ODR4: variants seen among roughly 807,000 people sequenced by gnomAD.
ODR4 encodes odr-4 GPCR localization factor homolog, also known as protein odr-4 homolog.
Under a neutral mutation model 60.2 loss-of-function variants are expected in ODR4, and 47 were observed. That is an observed-to-expected ratio of 0.78 (90% CI 0.62 to 1.00). The LOEUF is 1.00. Among genes scored for constraint, ODR4 ranks in the 50% least tolerant of loss-of-function variants. The pLI is 0.00. For synonymous variants in ODR4, 178 were observed against 175.5 expected (o/e 1.01, Z -0.11); for missense variants, 488 against 530.8 (o/e 0.92, Z 0.79).
intron 13 of ODR4, among the ~76,000 whole-genome samples, chr1:186,418,165 G>T (rs777211375): frequency 3.3e-5 from 5 of 152,176 alleles, no homozygotes; most frequent in African/African-American, 4.8e-5. Flanking sequence ...TTCTGACTGA[G>T]AGTTAGGAGC....
At chr1:186,422,352 G>C (rs1661807369), downstream of ODR4, among the ~76,000 whole-genome samples, 1 of 151,952 alleles carries the variant, frequency 6.6e-6, no homozygotes, top group South Asian at 2.1e-4. Context: ...GCAACAATAG[G>C]GCTGAAGCAA....
In ODR4 at chr1:186,382,707, A is replaced by C. The variant is rs1571660535; in HGVS notation, c.100-315A>C. ...GAATAAGCATATTACTTTTTAGTTA[A>C]TGTAATTCATTCACTCATCCAGTAA... On this transcript the variant is annotated intron_variant, in intron 2 of 13. Coordinates refer to ENST00000287859, the MANE Select transcript of ODR4 (RefSeq NM_017847.6). Among the ~76,000 whole-genome samples, 10 of 152,328 alleles carry C rather than the reference A, an allele frequency of 6.6e-5. 1 individual carries two copies. The South Asian group carries it at 2.1e-3, about 32-fold the overall frequency.
the ODR4 span, among the ~76,000 whole-genome samples, chr1:186,429,089 A>G: frequency 6.6e-6 from 1 of 152,002 alleles, no homozygotes; most frequent in Non-Finnish European, 1.5e-5. Flanking sequence ...AAACAACAAC[A>G]CCAAACAAAA....
chr1:186,408,482 A>C (rs986665470), intron 12 of ODR4, among the ~76,000 whole-genome samples: 1 of 150,760 alleles, frequency 6.6e-6, no homozygotes, highest in African/African-American at 2.4e-5. Flanking sequence ...CTTGGATCTC[A>C]TTATTTATGT....
chr1:186,399,468 C>G (rs572907994), intron 11 of ODR4, among the ~76,000 whole-genome samples: 2 of 152,040 alleles, frequency 1.3e-5, no homozygotes, highest in African/African-American at 4.8e-5. Context: ...TTTGGCTTCC[C>G]GAAGTGCTGG....
At chr1:186,401,264 A>C (rs1281935425) in intron 11 of ODR4, 5 of 1,262,540 alleles carry the variant, frequency 4.0e-6, no homozygotes, top group Non-Finnish European at 5.5e-6. Flanking sequence ...ATACATTTAG[A>C]AGTTAATGTT....
downstream of ODR4, among the ~76,000 whole-genome samples, chr1:186,423,186 A>G (rs1661823885): frequency 6.6e-6 from 1 of 152,170 alleles, no homozygotes; most frequent in East Asian, 1.9e-4. Context: ...TAAAATTCTA[A>G]CATTTTATAC....
intron 9 of ODR4, among the ~76,000 whole-genome samples, chr1:186,394,712 A>G (rs1172290045): frequency 2.6e-5 from 4 of 152,178 alleles, no homozygotes; most frequent in African/African-American, 9.7e-5. Context: ...TTTGAACTGA[A>G]TAGAATAGAA....
chr1:186,424,832 G>A (rs1661857328), downstream of ODR4, among the ~76,000 whole-genome samples: 1 of 151,978 alleles, frequency 6.6e-6, no homozygotes, highest in African/African-American at 2.4e-5. Context: ...GATCCAAGAA[G>A]CAGCATCCCA....
At position 186,419,183 on chromosome 1, in the gene ODR4, C is replaced by A. The variant is rs1661694668; in HGVS notation, c.*107C>A. ...GTATTTAAAACACTAGCAGCCAGAT[C>A]TGCTGCCATGATGCCTATTTGGTGT... On this transcript the variant is annotated 3_prime_UTR_variant, in exon 14 of 14. Coordinates refer to ENST00000287859, the MANE Select transcript of ODR4 (RefSeq NM_017847.6). 2 of 975,174 alleles carry A rather than the reference C, an allele frequency of 2.1e-6. No homozygotes were observed. Among genetic ancestry groups the A allele is most frequent in the Admixed American group, 2.0e-5 (1 of 49,186 alleles). The allele number at this position is 975,174 out of a possible 1,614,324, so 60.4% of individuals were successfully genotyped here.
chr1:186,425,875 CTT>C (rs1661872714), downstream of ODR4, among the ~76,000 whole-genome samples: 1 of 152,174 alleles, frequency 6.6e-6, no homozygotes, highest in Non-Finnish European at 1.5e-5. Flanking sequence ...GTTCTACACA[CTT>C]TAAATATTCT....
chr1:186,377,013 G>A (rs1484675002), intron 1 of ODR4, among the ~76,000 whole-genome samples: 4 of 152,136 alleles, frequency 2.6e-5, no homozygotes, highest in Admixed American at 2.6e-4. Context: ...CTTGGTATCC[G>A]TGGGGCATTG....
chr1:186,380,689 C>G (rs1300850468), intron 2 of ODR4, among the ~76,000 whole-genome samples: 1 of 151,870 alleles, frequency 6.6e-6, no homozygotes, highest in Non-Finnish European at 1.5e-5. Context: ...CAATAAAGCT[C>G]TTATTGGGAC....
intron 4 of ODR4, among the ~76,000 whole-genome samples, chr1:186,386,297 A>AT (rs1660246177): frequency 6.6e-6 from 1 of 152,034 alleles, no homozygotes; most frequent in Non-Finnish European, 1.5e-5. Context: ...TTTATTTATT[A>AT]TTTTTTCCAT....
intron 12 of ODR4, among the ~76,000 whole-genome samples, chr1:186,413,799 T>TTC (rs1430047684): frequency 1.3e-5 from 2 of 152,008 alleles, no homozygotes; most frequent in African/African-American, 2.4e-5. Flanking sequence ...TACTAAGGAG[T>TTC]TCAAGTCTTA....
At chr1:186,413,869 C>A (rs1661458585) in intron 12 of ODR4, among the ~76,000 whole-genome samples, 1 of 152,164 alleles carries the variant, frequency 6.6e-6, no homozygotes, top group African/African-American at 2.4e-5. Flanking sequence ...GGAATGAAAT[C>A]TGAACACGTC....
chr1:186,414,517 C>T (rs1333935090), intron 12 of ODR4, among the ~76,000 whole-genome samples: 1 of 149,276 alleles, frequency 6.7e-6, no homozygotes, highest in Admixed American at 6.7e-5. Context: ...GGGAAAAAAA[C>T]AAAAACCTTT....
chr1:186,389,901 C>T (rs1282235350), intron 6 of ODR4, among the ~76,000 whole-genome samples: 3 of 152,236 alleles, frequency 2.0e-5, no homozygotes, highest in African/African-American at 4.8e-5. Context: ...GATCCTCCCA[C>T]CTCAGCCTCT....
At chr1:186,385,908 T>C (rs2102025166) in intron 3 of ODR4, 80 bp from the exon 4 acceptor site, 1 of 846,718 alleles carries the variant, frequency 1.2e-6, no homozygotes. Context: ...GCTAAGGACA[T>C]GCTAAGCAGA....
Sources: allele counts gnomAD v4.1 joint callset (sites outside exome capture counted in the v4.1 genomes callset), GRCh38; gene constraint gnomAD v4.1.1; transcripts MANE v1.5; gene names NCBI Gene and HGNC (gene_info 2026-07-23, HGNC 2026-07-21).